Variants in DENND1A observed in about 807,000 individuals in gnomAD.
DENND1A encodes the protein DENN domain-containing protein 1A.
DENND1A carries 51 observed loss-of-function variants against 113.7 expected under a neutral mutation model. The ratio of observed to expected loss-of-function variants is 0.45; its 90% CI spans 0.36 to 0.57. The LOEUF (loss-of-function observed/expected upper bound fraction) is 0.57. DENND1A is among the 20% of genes least tolerant of loss of function. The probability of loss-of-function intolerance (pLI) is 0.00; values close to 1 mark genes in which losing one functional copy is unlikely to be tolerated. For synonymous variants in DENND1A, 565 were observed against 570.8 expected, an observed-to-expected ratio of 0.99 and a Z score of 0.14; for missense variants, 1,258 against 1,395.9, an observed-to-expected ratio of 0.90 and a Z score of 1.57.
chr9:123,685,288 C>A (rs1006330892), intron 5 of DENND1A, among the ~76,000 whole-genome samples: 2 of 152,208 alleles, frequency 1.3e-5, no homozygotes, highest in African/African-American at 4.8e-5. Context: ...CAGTCTCACC[C>A]AGTCTGGGCA....
At chr9:123,440,940 G>A (rs143576551) in intron 18 of DENND1A, among the ~76,000 whole-genome samples, 428 of 152,164 alleles carry the variant, frequency 2.8e-3, no homozygotes, top group African/African-American at 9.6e-3. Context: ...TTCATTGAGC[G>A]GATATACAAT....
At chr9:123,882,365 T>C (rs1427162662) in intron 1 of DENND1A, among the ~76,000 whole-genome samples, 1 of 151,344 alleles carries the variant, frequency 6.6e-6, no homozygotes, top group Non-Finnish European at 1.5e-5. Context: ...CTAAGAAGCA[T>C]TTCTAATTTA....
At chr9:123,843,249 C>A in intron 2 of DENND1A, 3 of 490,486 alleles carry the variant, frequency 6.1e-6, no homozygotes, top group South Asian at 4.9e-5. Context: ...TAAAAAAGTT[C>A]ATTATCACAC....
At chr9:123,886,648 G>T (rs1295052244) in intron 1 of DENND1A, among the ~76,000 whole-genome samples, 2 of 152,138 alleles carry the variant, frequency 1.3e-5, no homozygotes, top group South Asian at 2.1e-4. Flanking sequence ...AAGCAAAAAG[G>T]TAGTGTTAAA....
chr9:123,448,581 T>A (rs1428731809), intron 18 of DENND1A, among the ~76,000 whole-genome samples: 1 of 152,194 alleles, frequency 6.6e-6, no homozygotes, highest in Non-Finnish European at 1.5e-5. Flanking sequence ...CCATTTCAGC[T>A]ACATGCAACT....
intron 5 of DENND1A, among the ~76,000 whole-genome samples, chr9:123,687,343 C>G (rs563496227): frequency 1.3e-5 from 2 of 152,286 alleles, no homozygotes; most frequent in Admixed American, 6.5e-5. Flanking sequence ...GGATTTATGA[C>G]TTATGACTTG....
chr9:123,656,701 C>A (rs1399926625), intron 8 of DENND1A, among the ~76,000 whole-genome samples: 1 of 152,170 alleles, frequency 6.6e-6, no homozygotes, highest in Non-Finnish European at 1.5e-5. Context: ...TGTCCCTGGC[C>A]ACCTCTTCCT....
chr9:123,531,598 CACACAGAA>C (rs2055326417), intron 13 of DENND1A, among the ~76,000 whole-genome samples: 1 of 148,316 alleles, frequency 6.7e-6, no homozygotes, highest in Admixed American at 6.7e-5. Context: ...CACACACACA[CACACAGAA>C]GGCAATTATA....
chr9:123,871,712 G>A (rs765673072), intron 2 of DENND1A, among the ~76,000 whole-genome samples: 25 of 151,686 alleles, frequency 1.6e-4, no homozygotes, highest in Non-Finnish European at 2.8e-4. Context: ...AGAGTTCCCC[G>A]ACAGTTTCTC....
intron 8 of DENND1A, among the ~76,000 whole-genome samples, chr9:123,653,671 C>A (rs1564890953): frequency 6.6e-6 from 1 of 151,944 alleles, no homozygotes; most frequent in Non-Finnish European, 1.5e-5. Flanking sequence ...TAAATCCATG[C>A]TCTTTTTATT....
intron 5 of DENND1A, among the ~76,000 whole-genome samples, chr9:123,756,287 T>C (rs1589954695): frequency 6.6e-6 from 1 of 152,176 alleles, no homozygotes; most frequent in Non-Finnish European, 1.5e-5. Flanking sequence ...CTTAAACCCA[T>C]ATTGTTCAAG....
At chr9:123,583,355 T>C (rs973839204) in intron 11 of DENND1A, 85 bp from the exon 12 acceptor site, 7 of 976,208 alleles carry the variant, frequency 7.2e-6, no homozygotes, top group South Asian at 1.6e-5. Flanking sequence ...GGAAGAGGCA[T>C]AGAGAAGGAA....
At position 123,793,671 on chromosome 9, in the gene DENND1A, C is replaced by T. The variant is rs75863595; in HGVS notation, c.89-1041G>A. Reference sequence around the variant, plus strand: ...TTACATCCTTGTGAAAATGAATCCACGTAAAAGTTCACTGCAGTCCATTTC... The same window carrying T: ...TTACATCCTTGTGAAAATGAATCCATGTAAAAGTTCACTGCAGTCCATTTC... On this transcript the variant is annotated intron_variant, in intron 2 of 23. Coordinates refer to ENST00000394215, the MANE Select transcript of DENND1A (RefSeq NM_001352964.2). Among the ~76,000 whole-genome samples the T allele has an allele frequency of 5.6e-3, 854 of 152,166 alleles. 7 individuals are homozygous for T. Among genetic ancestry groups the T allele is most frequent in the African/African-American group, 0.019 (805 of 41,512 alleles).
chr9:123,742,178 G>A (rs978131831), intron 5 of DENND1A, among the ~76,000 whole-genome samples: 2 of 151,880 alleles, frequency 1.3e-5, no homozygotes, highest in Non-Finnish European at 2.9e-5. Context: ...TTTAGGCCAT[G>A]TAGTCCTATT....
Position 123,534,672 on chromosome 9 carries a change from G to A in DENND1A, c.993+22898C>T, listed in dbSNP as rs115233393. Among the ~76,000 whole-genome samples, 897 of 152,260 alleles carry A rather than the reference G, an allele frequency of 5.9e-3. 8 individuals are homozygous for A. The highest frequency in any genetic ancestry group is 0.02 in the African/African-American group (830 of 41,550). ...TCTGCCTTCCCGATTTTTGCTAATTGAATGTGTGCAAAACAAAACACTGTC... is the reference window on the plus strand; with the variant it reads ...TCTGCCTTCCCGATTTTTGCTAATTAAATGTGTGCAAAACAAAACACTGTC... On this transcript the variant is annotated intron_variant, in intron 13 of 23. Coordinates refer to ENST00000394215, the MANE Select transcript of DENND1A (RefSeq NM_001352964.2).
At chr9:123,815,952 A>G (rs1837394727) in intron 2 of DENND1A, among the ~76,000 whole-genome samples, 1 of 150,250 alleles carries the variant, frequency 6.7e-6, no homozygotes, top group African/African-American at 2.5e-5. Context: ...AACAACAATT[A>G]TCAAGAACCT....
At position 123,381,756 on chromosome 9, in the gene DENND1A, G is replaced by A. The variant is rs2042281295; in HGVS notation, c.2889C>T (p.Gly963=). ...MPNLFGQMPM[G]THTSPLQPLG... is the part of the protein sequence containing the mutation. ...GCGGCTGTAGGGGGCTCGTGTGGGT[G>A]CCCATGGGCATCTGGCCAAAGAGGT... Residue 963 remains glycine (G), a synonymous_variant, in exon 24 of 24, where the codon GGC becomes GGT. Coordinates refer to ENST00000394215, the MANE Select transcript of DENND1A (RefSeq NM_001352964.2). The surrounding 1 kb of genome is among the most constrained non-coding windows in gnomAD (Gnocchi z 4.7). The A allele has an allele frequency of 2.0e-6, 3 of 1,510,102 alleles. No homozygotes were observed. In the South Asian group the frequency reaches 3.9e-5, roughly 20 times the overall value. 93.5% of individuals were successfully genotyped at this position (1,510,102 alleles called of 1,614,324 possible).
intron 2 of DENND1A, among the ~76,000 whole-genome samples, chr9:123,834,438 A>G (rs1840748466): frequency 6.6e-6 from 1 of 152,258 alleles, no homozygotes; most frequent in Non-Finnish European, 1.5e-5. Context: ...TGCACAATTA[A>G]CAAAGCAAGT....
intron 21 of DENND1A, among the ~76,000 whole-genome samples, chr9:123,392,608 T>C (rs2042916925): frequency 6.6e-6 from 1 of 152,200 alleles, no homozygotes; most frequent in South Asian, 2.1e-4. Context: ...CTCCCCTTCC[T>C]AGTCAGGCTA....
Sources: gnomAD v4.1 joint callset for allele counts (sites outside exome capture counted in the v4.1 genomes callset) on GRCh38, gnomAD v4.1.1 for gene constraint, Gnocchi (gnomAD v3.1) non-coding constraint, MANE v1.5 for transcripts, NCBI Gene and HGNC (gene_info 2026-07-23, HGNC 2026-07-21) for gene names.